The following C8orf34 variants were observed in gnomAD, a reference collection of about 807,000 sequenced individuals.
The protein encoded by C8orf34 is chromosome 8 open reading frame 34.
In C8orf34, 65 loss-of-function variants were observed where a neutral mutation model predicts 68.3. That is an observed-to-expected ratio of 0.95 (90% CI 0.78 to 1.17). The LOEUF is 1.17. C8orf34 is among the 50% of genes most tolerant of loss of function. The pLI, the probability that C8orf34 is intolerant of heterozygous loss-of-function variation, is 0.00. For missense variants in C8orf34, 664 were observed against 655.4 expected, an observed-to-expected ratio of 1.01 and a Z score of -0.14; for synonymous variants, 244 against 241.2, an observed-to-expected ratio of 1.01 and a Z score of -0.11.
At chr8:68,491,196 T>G (rs1044996221) in intron 5 of C8orf34, among the ~76,000 whole-genome samples, 1 of 152,162 alleles carries the variant, frequency 6.6e-6, no homozygotes, top group Non-Finnish European at 1.5e-5. Context: ...ATTAATTCTA[T>G]TTAAAATAAA....
At chr8:68,599,527 A>G (rs1490765989) in intron 7 of C8orf34, among the ~76,000 whole-genome samples, 1 of 152,050 alleles carries the variant, frequency 6.6e-6, no homozygotes, top group Non-Finnish European at 1.5e-5. Context: ...TGAAAAAAAA[A>G]GTCTAGAAGT....
At chr8:68,566,732 C>T (rs1456996156) in intron 7 of C8orf34, among the ~76,000 whole-genome samples, 1 of 152,200 alleles carries the variant, frequency 6.6e-6, no homozygotes, top group Non-Finnish European at 1.5e-5. Context: ...AAATTTTCTT[C>T]ATATCAGCAA....
chr8:68,806,317 T>TA (rs1824483018), intron 12 of C8orf34, among the ~76,000 whole-genome samples: 1 of 152,046 alleles, frequency 6.6e-6, no homozygotes, highest in Non-Finnish European at 1.5e-5. Flanking sequence ...TTCTTCTGCC[T>TA]AAATAAAAAA....
chr8:68,575,849 T>C (rs964656187), intron 7 of C8orf34, among the ~76,000 whole-genome samples: 2 of 151,942 alleles, frequency 1.3e-5, no homozygotes, highest in Non-Finnish European at 2.9e-5. Context: ...ACAAAGTAAA[T>C]TATTTACCTG....
chr8:68,788,131 T>C (rs917065321), intron 12 of C8orf34, among the ~76,000 whole-genome samples: 3 of 152,192 alleles, frequency 2.0e-5, no homozygotes, highest in African/African-American at 7.2e-5. Flanking sequence ...CCCAGAAATC[T>C]GGTTGAGAAG....
At chr8:68,568,069 G>A (rs1816650261) in intron 7 of C8orf34, among the ~76,000 whole-genome samples, 1 of 151,964 alleles carries the variant, frequency 6.6e-6, no homozygotes. Flanking sequence ...TAGTTTGGGG[G>A]AGCAGTTGGA....
intron 10 of C8orf34, among the ~76,000 whole-genome samples, chr8:68,764,135 T>C (rs1474204011): frequency 6.6e-6 from 1 of 152,144 alleles, no homozygotes; most frequent in African/African-American, 2.4e-5. Context: ...GATATCCACA[T>C]AATGTCCTCA....
chr8:68,718,793 A>G (rs1261033221), intron 9 of C8orf34, among the ~76,000 whole-genome samples: 1 of 152,198 alleles, frequency 6.6e-6, no homozygotes, highest in Non-Finnish European at 1.5e-5. Flanking sequence ...GTTCCCACCA[A>G]CATGTCCAAT....
intron 10 of C8orf34, among the ~76,000 whole-genome samples, chr8:68,744,682 G>T (rs1410973076): frequency 6.6e-6 from 1 of 152,058 alleles, no homozygotes. Flanking sequence ...GAAGTTTAGA[G>T]AAAAAAGAAT....
chr8:68,373,234 A>G (rs1807640127), intron 1 of C8orf34, among the ~76,000 whole-genome samples: 1 of 152,156 alleles, frequency 6.6e-6, no homozygotes, highest in African/African-American at 2.4e-5. Flanking sequence ...ACCTCAGGTG[A>G]TCTGCCTGCC....
At chr8:68,726,523 G>C (rs902829425) in intron 10 of C8orf34, among the ~76,000 whole-genome samples, 1 of 152,200 alleles carries the variant, frequency 6.6e-6, no homozygotes, top group African/African-American at 2.4e-5. Flanking sequence ...GAATTACCTT[G>C]ATAAAGTGTC....
intron 3 of C8orf34, among the ~76,000 whole-genome samples, chr8:68,459,157 T>C (rs1811676302): frequency 6.6e-6 from 1 of 152,172 alleles, no homozygotes; most frequent in African/African-American, 2.4e-5. Flanking sequence ...TGTCTGGCTA[T>C]CATTAAAAAG....
At chr8:68,341,506 A>G (rs764994948) in intron 1 of C8orf34, among the ~76,000 whole-genome samples, 5 of 152,208 alleles carry the variant, frequency 3.3e-5, no homozygotes, top group Non-Finnish European at 5.9e-5. Flanking sequence ...ACCAGATAAT[A>G]TAGTGTGGAT....
intron 1 of C8orf34, among the ~76,000 whole-genome samples, chr8:68,399,589 T>G (rs1466937239): frequency 6.6e-6 from 1 of 152,176 alleles, no homozygotes; most frequent in Non-Finnish European, 1.5e-5. Flanking sequence ...ATTTTATATT[T>G]TTGCTATTGT....
At chr8:68,746,443 G>A (rs2129527442) in intron 10 of C8orf34, among the ~76,000 whole-genome samples, 3 of 73,882 alleles carry the variant, frequency 4.1e-5, no homozygotes, top group East Asian at 8.1e-4. Context: ...AATGAATCCA[G>A]GAGCTGGTTT....
intron 8 of C8orf34, among the ~76,000 whole-genome samples, chr8:68,655,584 A>C (rs1819488171): frequency 6.6e-6 from 1 of 152,202 alleles, no homozygotes; most frequent in African/African-American, 2.4e-5. Flanking sequence ...AATGCTGGGC[A>C]GTGGCAGCAA....
chr8:68,333,865 T>C (rs1805735900), intron 1 of C8orf34, among the ~76,000 whole-genome samples: 1 of 152,234 alleles, frequency 6.6e-6, no homozygotes, highest in Non-Finnish European at 1.5e-5. Flanking sequence ...TGAGTCAGTG[T>C]AGCTGACACA....
intron 10 of C8orf34, among the ~76,000 whole-genome samples, chr8:68,757,980 T>A (rs1311394050): frequency 6.6e-6 from 1 of 152,236 alleles, no homozygotes. Context: ...CATTCACAAT[T>A]GTTCCAGATT....
intron 8 of C8orf34, among the ~76,000 whole-genome samples, chr8:68,687,432 A>G (rs1011675422): frequency 6.6e-6 from 1 of 152,116 alleles, no homozygotes; most frequent in Admixed American, 6.6e-5. Context: ...CCAATGGAAC[A>G]GAATAGAGAA....
Sources: allele counts gnomAD v4.1 joint callset (sites outside exome capture counted in the v4.1 genomes callset), GRCh38; gene constraint gnomAD v4.1.1; transcripts MANE v1.5; gene names NCBI Gene and HGNC (gene_info 2026-07-23, HGNC 2026-07-21).